The following TMPRSS15 variants were observed in gnomAD, a reference collection of about 807,000 sequenced individuals.
TMPRSS15 encodes the protein transmembrane serine protease 15.
A neutral mutation model predicts 125.3 loss-of-function variants in TMPRSS15; 128 were observed. The observed-to-expected ratio is 1.02, with a 90% CI of 0.89 to 1.18. The LOEUF (loss-of-function observed/expected upper bound fraction) is 1.18, where lower values mean the gene tolerates loss of function less well. Ranked by LOEUF, TMPRSS15 falls within the 50% of genes most tolerant of loss-of-function variation. The pLI, the probability that TMPRSS15 is intolerant of heterozygous loss-of-function variation, is 0.00. For missense variants in TMPRSS15, 1,283 were observed against 1,212.7 expected (o/e 1.06, Z -0.86); for synonymous variants, 446 against 423.2 (o/e 1.05, Z -0.66).
intron 4 of TMPRSS15, 49 bp from the exon 5 acceptor site, chr21:18,379,367 T>C: frequency 1.1e-5 from 10 of 872,650 alleles, no homozygotes; most frequent in Non-Finnish European, 1.6e-5. Context: ...TTAAACTAAT[T>C]ACCAGGAATT....
At chr21:18,456,742 T>A (rs1978448870) in intron 1 of TMPRSS15, among the ~76,000 whole-genome samples, 1 of 152,106 alleles carries the variant, frequency 6.6e-6, no homozygotes, top group South Asian at 2.1e-4. Context: ...ATTATAAAAG[T>A]AATCAAAGCA....
At chr21:18,374,458 C>T (rs1170678981) in intron 5 of TMPRSS15, among the ~76,000 whole-genome samples, 2 of 111,960 alleles carry the variant, frequency 1.8e-5, no homozygotes, top group East Asian at 5.7e-4. Flanking sequence ...CCGGCCTGGG[C>T]GACAGAGCGA....
intron 1 of TMPRSS15, among the ~76,000 whole-genome samples, chr21:18,458,347 G>T (rs139191704): frequency 6.6e-6 from 1 of 152,070 alleles, no homozygotes; most frequent in Non-Finnish European, 1.5e-5. Flanking sequence ...GGAAATTTTC[G>T]TTCTTTTAGA....
At chr21:18,365,653 T>TCCTC (rs1488294129) in intron 6 of TMPRSS15, among the ~76,000 whole-genome samples, 23 of 107,986 alleles carry the variant, frequency 2.1e-4, no homozygotes, top group Non-Finnish European at 3.5e-4. Context: ...TTTCCTCCCT[T>TCCTC]CCTTCCTTCC....
intron 16 of TMPRSS15, among the ~76,000 whole-genome samples, chr21:18,326,049 C>T (rs1354240534): frequency 1.3e-5 from 2 of 152,078 alleles, no homozygotes; most frequent in Admixed American, 6.6e-5. Flanking sequence ...GGCATGCCAA[C>T]AGCTCTCTTG....
intron 16 of TMPRSS15, among the ~76,000 whole-genome samples, chr21:18,318,547 G>A (rs968364467): frequency 6.6e-6 from 1 of 152,326 alleles, no homozygotes; most frequent in South Asian, 2.1e-4. Flanking sequence ...TTAAGCCAAG[G>A]TCTGTGCCTG....
Position 18,424,866 on chromosome 21 carries a change from TGAG to T in TMPRSS15, c.11-26540_11-26538del, listed in dbSNP as rs2076199319. ...CAGTAGAAAGAATGAAGACATTAAA[TGAG>T]AATTAAGAGAATATATGTATTCATA... On this transcript the variant is annotated intron_variant, in intron 1 of 7. Transcript: ENST00000422787. 2.0e-5 allele frequency among the ~76,000 whole-genome samples: 3 copies of T among 148,030 alleles called. No homozygotes were observed. In the East Asian group the frequency reaches 5.9e-4, roughly 29 times the overall value.
chr21:18,326,641 T>C, intron 15 of TMPRSS15, 69 bp from the exon 16 acceptor site: 1 of 1,591,890 alleles, frequency 6.3e-7, no homozygotes, highest in South Asian at 1.1e-5. Context: ...GTACCCCACA[T>C]CTCAGTTCCC....
At chr21:18,365,574 T>TTCTC (rs10655380) in intron 6 of TMPRSS15, among the ~76,000 whole-genome samples, 31,112 of 100,178 alleles carry the variant, frequency 0.31, 5,870 homozygotes, top group African/African-American at 0.37. Flanking sequence ...TTCTCTCTCT[T>TTCTC]TCTCTCTTTT....
At chr21:18,396,830 C>CTATCTATCTATCTATCTATCTATCTATCT (rs1555909758) in intron 3 of TMPRSS15, among the ~76,000 whole-genome samples, 99 of 144,962 alleles carry the variant, frequency 6.8e-4, no homozygotes, top group African/African-American at 2.4e-3. Context: ...ATCTATCTAT[C>CTATCTATCTATCTATCTATCTATCTATCT]TATCTATCTA....
At chr21:18,300,985 T>C (rs1213522287) in intron 18 of TMPRSS15, among the ~76,000 whole-genome samples, 1 of 152,198 alleles carries the variant, frequency 6.6e-6, no homozygotes, top group African/African-American at 2.4e-5. Context: ...TGTGTAATCT[T>C]ATTTTCTGAG....
intron 5 of TMPRSS15, among the ~76,000 whole-genome samples, chr21:18,377,020 G>T (rs1394875185): frequency 2.0e-5 from 3 of 152,078 alleles, no homozygotes; most frequent in African/African-American, 7.2e-5. Flanking sequence ...GTAAATTACT[G>T]CTTGGAAAAT....
intron 10 of TMPRSS15, 75 bp downstream of exon 10, chr21:18,352,828 C>A: frequency 6.9e-7 from 1 of 1,443,748 alleles, no homozygotes; most frequent in South Asian, 1.1e-5. Flanking sequence ...CTTTACACTG[C>A]AGTACAACAC....
chr21:18,315,398 A>AC lies in TMPRSS15; in HGVS notation c.1922-143_1922-142insG, dbSNP rs750916574. 1,179 of 675,620 alleles carry AC rather than the reference A, an allele frequency of 1.7e-3. 8 individuals carry two copies. Among genetic ancestry groups the AC allele is most frequent in the Admixed American group, 5.9e-3 (264 of 44,690 alleles). The allele number at this position is 675,620 out of a possible 1,614,324, so 41.9% of individuals were successfully genotyped here. A position where few individuals can be genotyped will look rare whatever the true frequency, so the allele number is the denominator to read the frequency against. On this transcript the variant is annotated intron_variant, in intron 16 of 24. Coordinates refer to ENST00000284885, the MANE Select transcript of TMPRSS15 (RefSeq NM_002772.3). ...AACCAGCTTTGATACTGAGTAAATG[A>AC]GAGTTAATGGGTGCAGCACACCAAC...
chr21:18,297,946 A>G (rs2146906555), intron 18 of TMPRSS15, 117 bp from the exon 19 acceptor site: 1 of 697,274 alleles, frequency 1.4e-6, no homozygotes, highest in Non-Finnish European at 2.4e-6. Context: ...GATACCAGCC[A>G]AAAAAATGAA....
At chr21:18,404,356 C>A (rs2076130508), upstream of TMPRSS15, among the ~76,000 whole-genome samples, 1 of 152,096 alleles carries the variant, frequency 6.6e-6, no homozygotes, top group Non-Finnish European at 1.5e-5. Flanking sequence ...TAGTACCTGT[C>A]ATAAGAGGAA....
chr21:18,435,141 G>T (rs2123219364), intron 1 of TMPRSS15, among the ~76,000 whole-genome samples: 1 of 152,016 alleles, frequency 6.6e-6, no homozygotes, highest in Admixed American at 6.6e-5. Flanking sequence ...CTGCCTAATT[G>T]CCCTGGCCAG....
At chr21:18,403,933 AC>A (rs544835754), upstream of TMPRSS15, among the ~76,000 whole-genome samples, 133 of 152,308 alleles carry the variant, frequency 8.7e-4, no homozygotes, top group African/African-American at 3.1e-3. Context: ...CATGTTGTAA[AC>A]AAAAGACATT....
chr21:18,311,549 C>T (rs2075101269), intron 18 of TMPRSS15, among the ~76,000 whole-genome samples: 1 of 152,030 alleles, frequency 6.6e-6, no homozygotes, highest in African/African-American at 2.4e-5. Flanking sequence ...TATCTCTCAC[C>T]CCTGTTATAA....
Sources: allele counts gnomAD v4.1 joint callset (sites outside exome capture counted in the v4.1 genomes callset), GRCh38; gene constraint gnomAD v4.1.1; transcripts MANE v1.5; gene names NCBI Gene and HGNC (gene_info 2026-07-23, HGNC 2026-07-21).